Variants in AGBL4 observed in about 807,000 individuals in gnomAD.
AGBL4 encodes the protein AGBL carboxypeptidase 4.
Under a neutral mutation model 66.4 loss-of-function variants are expected in AGBL4, and 58 were observed. The ratio of observed to expected loss-of-function variants is 0.87; its 90% CI spans 0.71 to 1.09. The LOEUF (loss-of-function observed/expected upper bound fraction) is 1.09, where lower values mean the gene tolerates loss of function less well. AGBL4 is among the 50% of genes least tolerant of loss of function. The pLI, the probability that AGBL4 is intolerant of heterozygous loss-of-function variation, is 0.00. For missense variants in AGBL4, 579 were observed against 631.0 expected (o/e 0.92, Z 0.88); for synonymous variants, 234 against 222.9 (o/e 1.05, Z -0.44).
chr1:49,364,080 G>T (rs758897783), intron 3 of AGBL4, among the ~76,000 whole-genome samples: 1 of 152,172 alleles, frequency 6.6e-6, no homozygotes, highest in African/African-American at 2.4e-5. Flanking sequence ...ATTACTGTAG[G>T]CAGAGAACAG....
At chr1:48,840,053 A>G (rs1285092669) in intron 6 of AGBL4, among the ~76,000 whole-genome samples, 1 of 152,106 alleles carries the variant, frequency 6.6e-6, no homozygotes, top group Non-Finnish European at 1.5e-5. Flanking sequence ...TTTAGGAGAG[A>G]GAAGTGGAAA....
At chr1:48,861,319 A>C (rs1214015964) in intron 6 of AGBL4, among the ~76,000 whole-genome samples, 1 of 152,204 alleles carries the variant, frequency 6.6e-6, no homozygotes, top group Non-Finnish European at 1.5e-5. Context: ...GAGTCAAAGG[A>C]ATAAAGGATA....
chr1:49,762,010 G>C (rs1652361242), intron 2 of AGBL4, among the ~76,000 whole-genome samples: 1 of 152,032 alleles, frequency 6.6e-6, no homozygotes, highest in South Asian at 2.1e-4. Context: ...CCACACCTTG[G>C]TTATTGTAAA....
chr1:48,819,970 T>C (rs1351723975), intron 6 of AGBL4, among the ~76,000 whole-genome samples: 1 of 152,226 alleles, frequency 6.6e-6, no homozygotes, highest in Non-Finnish European at 1.5e-5. Context: ...TTCCCTCATG[T>C]AGCCACACAA....
At chr1:49,214,207 T>G (rs2148261974) in intron 4 of AGBL4, among the ~76,000 whole-genome samples, 1 of 152,152 alleles carries the variant, frequency 6.6e-6, no homozygotes. Flanking sequence ...GGAAATAATT[T>G]TAGTAATGCT....
chr1:49,469,248 G>T (rs1646692781), intron 3 of AGBL4, among the ~76,000 whole-genome samples: 1 of 151,490 alleles, frequency 6.6e-6, no homozygotes, highest in Non-Finnish European at 1.5e-5. Context: ...ATGTTTTTAT[G>T]TTTCTCAAAT....
At chr1:49,635,512 G>A (rs1645654321) in intron 3 of AGBL4, among the ~76,000 whole-genome samples, 1 of 152,012 alleles carries the variant, frequency 6.6e-6, no homozygotes, top group South Asian at 2.1e-4. Flanking sequence ...CTTGCATCTG[G>A]AATACATTAA....
chr1:48,612,396 G>A (rs1645252044), intron 9 of AGBL4, among the ~76,000 whole-genome samples: 2 of 152,234 alleles, frequency 1.3e-5, no homozygotes, highest in South Asian at 4.1e-4. Flanking sequence ...AAGTTCAGGG[G>A]AAGGAAAACT....
intron 5 of AGBL4, among the ~76,000 whole-genome samples, chr1:48,935,958 GAAAAAAAAAAAAAAAAAAA>G (rs71056686): frequency 1.4e-3 from 34 of 24,594 alleles, no homozygotes; most frequent in Non-Finnish European, 1.7e-3. Flanking sequence ...GACTCTGTCT[GAAAAAAAAAAAAAAAAAAA>G]AAAAAAAAAA....
chr1:48,758,816 C>A, intron 6 of AGBL4: 1 of 1,297,262 alleles, frequency 7.7e-7, no homozygotes, highest in South Asian at 1.6e-5. Flanking sequence ...CTTGGTCTCC[C>A]TCTCCCCTTT....
intron 3 of AGBL4, among the ~76,000 whole-genome samples, chr1:49,448,377 C>T (rs372395968): frequency 6.6e-6 from 1 of 152,148 alleles, no homozygotes; most frequent in Admixed American, 6.6e-5. Context: ...AGAGAAACAA[C>T]TGTCAGCAGG....
At chr1:49,103,305 T>C (rs554000235) in intron 4 of AGBL4, among the ~76,000 whole-genome samples, 2 of 152,166 alleles carry the variant, frequency 1.3e-5, no homozygotes, top group Non-Finnish European at 2.9e-5. Flanking sequence ...GCAAGCACAG[T>C]CCTGCGAACA....
chr1:49,476,012 G>A (rs1646838274), intron 3 of AGBL4, among the ~76,000 whole-genome samples: 1 of 151,894 alleles, frequency 6.6e-6, no homozygotes, highest in Admixed American at 6.6e-5. Flanking sequence ...TTAGGTGTGA[G>A]GTTGGGTTGT....
Position 48,722,153 on chromosome 1 carries a change from GAA to G in AGBL4, c.635-58914_635-58913del, listed in dbSNP as rs1647162097. ...GGTGGGTGGGTGGGTGGGCATTGGT[GAA>G]TAGGGAGGGACTGGGGGGTCTTTTG... On this transcript the variant is annotated intron_variant, in intron 6 of 13. Transcript: ENST00000371839. 2.6e-5 allele frequency among the ~76,000 whole-genome samples: 4 copies of G among 151,988 alleles called. No homozygotes were observed. The South Asian group carries it at 8.3e-4, about 32-fold the overall frequency.
intron 1 of AGBL4, among the ~76,000 whole-genome samples, chr1:49,884,093 C>T (rs988196468): frequency 6.6e-6 from 1 of 151,848 alleles, no homozygotes; most frequent in Non-Finnish European, 1.5e-5. Context: ...TTGTTTCACC[C>T]ATATTTTCAG....
At chr1:48,776,391 A>T (rs1338460757) in intron 6 of AGBL4, among the ~76,000 whole-genome samples, 1 of 152,170 alleles carries the variant, frequency 6.6e-6, no homozygotes, top group Non-Finnish European at 1.5e-5. Flanking sequence ...AGCTTCGGGG[A>T]AGCGGGGAAG....
chr1:48,898,820 T>C (rs1372724033), intron 5 of AGBL4, among the ~76,000 whole-genome samples: 1 of 152,192 alleles, frequency 6.6e-6, no homozygotes, highest in Non-Finnish European at 1.5e-5. Context: ...CCTTTGTGTT[T>C]GATCCACAAA....
chr1:49,741,682 T>C (rs111557676), intron 2 of AGBL4, among the ~76,000 whole-genome samples: 103,848 of 151,986 alleles, frequency 0.68, 36,190 homozygotes, highest in African/African-American at 0.77. Context: ...TCCAGCAGCA[T>C]ATCAAAAATC....
intron 4 of AGBL4, among the ~76,000 whole-genome samples, chr1:49,108,980 C>T (rs1368803334): frequency 6.6e-6 from 1 of 152,148 alleles, no homozygotes; most frequent in Non-Finnish European, 1.5e-5. Flanking sequence ...ATCCAGTTAC[C>T]TACCTGAAAA....
Sources: allele counts gnomAD v4.1 joint callset (sites outside exome capture counted in the v4.1 genomes callset), GRCh38; gene constraint gnomAD v4.1.1; transcripts MANE v1.5; gene names NCBI Gene and HGNC (gene_info 2026-07-23, HGNC 2026-07-21).